Variants in NDUFB2 observed in about 807,000 individuals in gnomAD.
NDUFB2 encodes the protein NADH:ubiquinone oxidoreductase subunit B2.
In NDUFB2, 13 loss-of-function variants were observed where a neutral mutation model predicts 13.4. The ratio of observed to expected loss-of-function variants is 0.97; its 90% confidence interval spans 0.63 to 1.54. The LOEUF (loss-of-function observed/expected upper bound fraction) is 1.54, where lower values mean the gene tolerates loss of function less well. Among genes scored for constraint, NDUFB2 ranks in the 40% most tolerant of loss-of-function variants. The pLI, the probability that NDUFB2 is intolerant of heterozygous loss-of-function variation, is 0.00. For missense variants in NDUFB2, 150 were observed against 139.7 expected (o/e 1.07, Z -0.37); for synonymous variants, 47 against 50.6 (o/e 0.93, Z 0.30).
In NDUFB2 at chr7:140,702,922, G is replaced by A. The variant is rs142785611; in HGVS notation, c.155G>A (p.Arg52Lys). Residue 52 changes from arginine to lysine, a missense_variant, in exon 2 of 4, where the codon AGA (arginine) becomes AAA (lysine). Transcript: ENST00000247866. ...TATAGACAGTTCCCCCAGCTGACCA[G>A]ATCCCAGGTGTTCCAGAGCGAGTTC... ...PRYRQFPQLT[R>K]SQVFQSEFFS... is the part of the protein sequence containing the mutation. 238 of 1,614,130 alleles carry A rather than the reference G, an allele frequency of 1.5e-4. No homozygotes were observed. The highest frequency in any genetic ancestry group is 1.9e-4 in the Non-Finnish European group (226 of 1,180,036).
chr7:140,696,900 C>G, intron 1 of NDUFB2, 58 bp downstream of exon 1: 3 of 1,488,792 alleles, frequency 2.0e-6, no homozygotes, highest in Non-Finnish European at 2.8e-6. Flanking sequence ...GCGCGGGTCC[C>G]TGGGACGCTC....
chr7:140,698,355 G>A, intron 1 of NDUFB2: 1 of 1,327,138 alleles, frequency 7.5e-7, no homozygotes, highest in Non-Finnish European at 9.9e-7. Flanking sequence ...CTATATGGCT[G>A]CTCCTTTCTA....
chr7:140,706,504 T>G (rs1294236955), intron 3 of NDUFB2, 59 bp from the exon 4 acceptor site: 2 of 152,142 alleles, frequency 1.3e-5, no homozygotes, highest in Non-Finnish European at 2.9e-5. Context: ...AAATGAATTA[T>G]GGATTTGAAT....
intron 1 of NDUFB2, chr7:140,702,392 C>G (rs1487367781): frequency 3.9e-6 from 1 of 258,502 alleles, no homozygotes; most frequent in Non-Finnish European, 7.3e-6. Flanking sequence ...TGTTCAGAGC[C>G]ATTAGCATAT....
At chr7:140,701,999 T>C in intron 1 of NDUFB2, 1 of 698,802 alleles carries the variant, frequency 1.4e-6, no homozygotes, top group South Asian at 1.5e-5. Flanking sequence ...GCCCTGTTAC[T>C]GTTCACGAAT....
intron 2 of NDUFB2, 41 bp downstream of exon 2, chr7:140,703,051 G>A (rs1410634302): frequency 3.7e-6 from 6 of 1,605,928 alleles, no homozygotes; most frequent in Non-Finnish European, 5.1e-6. Context: ...TTTGGGTGGG[G>A]GAGGGAGGAT....
At chr7:140,697,384 G>A (rs1794827096) in intron 1 of NDUFB2, 1 of 702,784 alleles carries the variant, frequency 1.4e-6, no homozygotes, top group Non-Finnish European at 2.6e-6. Flanking sequence ...CAGAGAGAGC[G>A]CCGTCGGGTG....
At chr7:140,702,243 A>T (rs1305765320) in intron 1 of NDUFB2, among the ~76,000 whole-genome samples, 1 of 152,214 alleles carries the variant, frequency 6.6e-6, no homozygotes, top group African/African-American at 2.4e-5. Context: ...AATTTAAATT[A>T]GATGCAACGT....
intron 1 of NDUFB2, among the ~76,000 whole-genome samples, chr7:140,700,488 CAAA>C (rs1477743565): frequency 6.6e-6 from 1 of 151,480 alleles, no homozygotes; most frequent in African/African-American, 2.4e-5. Flanking sequence ...AAAAAGCTAT[CAAA>C]GAAGAAGGCT....
At chr7:140,698,292 A>G (rs1434916450) in intron 1 of NDUFB2, 1 of 1,350,760 alleles carries the variant, frequency 7.4e-7, no homozygotes. Context: ...CGTAACACAC[A>G]CTTGTTTCAG....
At chr7:140,698,196 C>T (rs1225254686) in intron 1 of NDUFB2, 2 of 1,351,896 alleles carry the variant, frequency 1.5e-6, no homozygotes, top group Non-Finnish European at 2.0e-6. Flanking sequence ...TGGGCAAAGA[C>T]AGTGATGGAG....
chr7:140,697,955 C>T, intron 1 of NDUFB2: 1 of 1,265,952 alleles, frequency 7.9e-7, no homozygotes, highest in South Asian at 1.2e-5. Flanking sequence ...CAGCCTCGGC[C>T]TCCCAAAGTG....
At chr7:140,696,986 C>A in intron 1 of NDUFB2, 144 bp downstream of exon 1, 1 of 741,644 alleles carries the variant, frequency 1.3e-6, no homozygotes, top group Non-Finnish European at 2.2e-6. Context: ...TCTCCTGAAG[C>A]CGCGACTCGA....
At chr7:140,703,250 C>T (rs1794920804) in intron 2 of NDUFB2, among the ~76,000 whole-genome samples, 3 of 150,030 alleles carry the variant, frequency 2.0e-5, no homozygotes, top group African/African-American at 7.4e-5. Flanking sequence ...GTTAGGTTGC[C>T]ATCTTAGGGA....
intron 1 of NDUFB2, 173 bp from the exon 2 acceptor site, chr7:140,702,693 T>A: frequency 1.3e-6 from 1 of 767,534 alleles, no homozygotes; most frequent in Non-Finnish European, 2.0e-6. Context: ...CTGCTACACA[T>A]GAAGCAAGCT....
intron 3 of NDUFB2, 76 bp downstream of exon 3, chr7:140,705,039 T>C: frequency 1.3e-6 from 1 of 770,192 alleles, no homozygotes; most frequent in South Asian, 2.8e-5. Flanking sequence ...GTGCCTATGA[T>C]GGACTTGAAA....
At chr7:140,697,096 C>T (rs901449681) in intron 1 of NDUFB2, 8 of 586,484 alleles carry the variant, frequency 1.4e-5, no homozygotes, top group Non-Finnish European at 2.4e-5. Flanking sequence ...CGCCTGCCCT[C>T]GGGAGACGCA....
At chr7:140,698,283 G>T (rs7778495) in intron 1 of NDUFB2, 7 of 1,350,762 alleles carry the variant, frequency 5.2e-6, no homozygotes, top group Non-Finnish European at 6.9e-6. Context: ...TGGCTTGTTC[G>T]TAACACACAC....
rs1438418023 is a variant in NDUFB2, at chr7:140,706,591, G to A, written c.*58G>A. The A allele has an allele frequency of 6.7e-6, 1 of 148,768 alleles. No homozygotes were observed. Among genetic ancestry groups the A allele is most frequent in the South Asian group, 2.1e-4 (1 of 4,700 alleles). The allele number at this position is 148,768 out of a possible 1,614,324, so 9.2% of individuals were successfully genotyped here. On this transcript the variant is annotated 3_prime_UTR_variant, in exon 4 of 4. Transcript: ENST00000247866. ...CCAGGTGAGAATTTCAAGGATTATC[G>A]ACTTCATATTGCACATTAAAGTTAC...
Sources: allele counts gnomAD v4.1 joint callset (sites outside exome capture counted in the v4.1 genomes callset), GRCh38; gene constraint gnomAD v4.1.1; transcripts MANE v1.5; gene names NCBI Gene and HGNC (gene_info 2026-07-23, HGNC 2026-07-21).